Variants in TNRC6C observed in about 807,000 individuals in gnomAD.
TNRC6C encodes trinucleotide repeat containing adaptor 6C.
In TNRC6C, 20 loss-of-function variants were observed where a neutral mutation model predicts 153.7. That is an observed-to-expected ratio of 0.13 (90% CI 0.09 to 0.19). The LOEUF (loss-of-function observed/expected upper bound fraction) is 0.19, where lower values mean the gene tolerates loss of function less well. Ranked by LOEUF, TNRC6C falls within the 10% of genes least tolerant of loss-of-function variation. The pLI, the probability that TNRC6C is intolerant of heterozygous loss-of-function variation, is 1.00. For missense variants in TNRC6C, 1,987 were observed against 2,172.0 expected (o/e 0.91, Z 1.69); for synonymous variants, 811 against 841.4 (o/e 0.96, Z 0.63).
chr17:78,007,878 A>G (rs1015198060), intron 1 of TNRC6C, among the ~76,000 whole-genome samples: 2 of 152,354 alleles, frequency 1.3e-5, no homozygotes, highest in East Asian at 3.9e-4. Flanking sequence ...CCACTCAACT[A>G]GTAGCATTCG....
At chr17:78,011,606 T>C (rs1408159985) in intron 1 of TNRC6C, among the ~76,000 whole-genome samples, 1 of 152,234 alleles carries the variant, frequency 6.6e-6, no homozygotes, top group Non-Finnish European at 1.5e-5. Flanking sequence ...ATCTGCGTTT[T>C]TCCAGTTTTG....
At chr17:78,103,287 T>A (rs1484617191) in intron 18 of TNRC6C, 127 bp from the exon 22 acceptor site, 2 of 1,128,638 alleles carry the variant, frequency 1.8e-6, no homozygotes, top group East Asian at 5.2e-5. Context: ...CCACATATTA[T>A]TAGGCCTTTT....
intron 1 of TNRC6C, among the ~76,000 whole-genome samples, chr17:77,961,376 G>A (rs1360125557): frequency 1.3e-5 from 2 of 152,074 alleles, no homozygotes; most frequent in Admixed American, 6.5e-5. Flanking sequence ...GGCTGGTCTC[G>A]AACTCCTGAC....
intron 1 of TNRC6C, among the ~76,000 whole-genome samples, chr17:77,963,106 C>G (rs2144029757): frequency 6.6e-6 from 1 of 152,268 alleles, no homozygotes; most frequent in East Asian, 1.9e-4. Flanking sequence ...ATACAATAAG[C>G]TTTCTTTAAA....
exon 20 of TNRC6C, chr17:78,108,260 C>CCA (rs1555649081): frequency 6.5e-6 from 1 of 154,456 alleles, no homozygotes. Context: ...GGCCCCCCCC[C>CCA]ACCCATGGGG....
chr17:78,100,552 A>G (rs566242209), intron 17 of TNRC6C, among the ~76,000 whole-genome samples: 1 of 152,070 alleles, frequency 6.6e-6, no homozygotes, highest in African/African-American at 2.4e-5. Flanking sequence ...AAATTCCTAA[A>G]CTGCACACAG....
chr17:78,039,006 A>T (rs1050212740), intron 2 of TNRC6C, among the ~76,000 whole-genome samples: 5 of 152,080 alleles, frequency 3.3e-5, no homozygotes, highest in African/African-American at 1.2e-4. Context: ...GGGTAATATG[A>T]CGTAGTACAT....
At chr17:77,978,807 G>A (rs950545138) in intron 1 of TNRC6C, among the ~76,000 whole-genome samples, 2 of 152,098 alleles carry the variant, frequency 1.3e-5, no homozygotes, top group Non-Finnish European at 2.9e-5. Context: ...TAGGTGTATG[G>A]TGAACCTAAA....
chr17:78,062,446 A>G (rs1020264836), intron 3 of TNRC6C, among the ~76,000 whole-genome samples: 1 of 152,236 alleles, frequency 6.6e-6, no homozygotes, highest in African/African-American at 2.4e-5. Context: ...AGGCCAAACA[A>G]TGTAAAATTG....
At position 78,075,668 on chromosome 17, in the gene TNRC6C, GC is replaced by G. The variant is rs2073071455; in HGVS notation, c.3060+391del. ...AGGAAAAGGGATTGGAAGTGGTGGG[GC>G]TTGGGCACCCATCTCTGGCTGGCCC... On this transcript the variant is annotated intron_variant, in intron 8 of 19. Transcript: ENST00000301624. This position sits in a 1 kb window ranked among gnomAD's most constrained non-coding sequence, Gnocchi z 4.2. Among the ~76,000 whole-genome samples, 1 of 151,424 alleles carries G rather than the reference GC, an allele frequency of 6.6e-6. No individual in the cohort carries two copies. Among genetic ancestry groups the G allele is most frequent in the Admixed American group, 6.6e-5 (1 of 15,250 alleles).
At chr17:77,971,183 C>G (rs1226076917) in intron 1 of TNRC6C, among the ~76,000 whole-genome samples, 1 of 152,186 alleles carries the variant, frequency 6.6e-6, no homozygotes, top group Non-Finnish European at 1.5e-5. Flanking sequence ...CTAAATTAAT[C>G]TATTAGTGGT....
intron 1 of TNRC6C, among the ~76,000 whole-genome samples, chr17:77,967,749 T>G (rs1162169993): frequency 6.6e-6 from 1 of 152,226 alleles, no homozygotes; most frequent in African/African-American, 2.4e-5. Context: ...TGGCTTGTCT[T>G]TCACAGATTT....
intron 11 of TNRC6C, among the ~76,000 whole-genome samples, chr17:78,084,478 A>C: frequency 6.6e-6 from 1 of 152,054 alleles, no homozygotes; most frequent in East Asian, 1.9e-4. Flanking sequence ...TGTAAGCAGC[A>C]GGGGAGGATA....
intron 16 of TNRC6C, 23 bp from the exon 19 acceptor site, chr17:78,097,722 C>G (rs1216102345): frequency 6.6e-7 from 1 of 1,515,544 alleles, no homozygotes; most frequent in Non-Finnish European, 8.9e-7. Flanking sequence ...CCACCTTGCT[C>G]AGTGCCGTGT....
intron 1 of TNRC6C, among the ~76,000 whole-genome samples, chr17:78,017,594 A>C (rs574947235): frequency 8.3e-4 from 126 of 152,218 alleles, no homozygotes; most frequent in Non-Finnish European, 1.5e-3. Flanking sequence ...TTTCTCTCTG[A>C]AACTGGAGGC....
intron 13 of TNRC6C, among the ~76,000 whole-genome samples, chr17:78,088,812 T>C (rs1352905162): frequency 2.0e-5 from 3 of 152,098 alleles, no homozygotes; most frequent in Admixed American, 6.6e-5. Flanking sequence ...GCAAACACTT[T>C]GTAAAATGTC....
chr17:78,104,560 C>A lies in TNRC6C; in HGVS notation c.4788C>A (p.Gly1596=). The A allele has an allele frequency of 6.4e-7, 1 of 1,550,718 alleles. No individual in the cohort carries two copies. The change falls in exon 20 of 20, where the codon GGC becomes GGA. Residue 1596 remains glycine (G), a synonymous_variant. Transcript: ENST00000301624. This position sits in a 1 kb window ranked among gnomAD's most constrained non-coding sequence, Gnocchi z 6.2. Reference sequence around the variant, plus strand: ...AAGTGAATCGCTTCTTAGCCCAAGGCCAGGCGCTGCCACCCACTTCCAGCT... The same window carrying A: ...AAGTGAATCGCTTCTTAGCCCAAGGACAGGCGCTGCCACCCACTTCCAGCT...
In TNRC6C at chr17:78,079,345, G is replaced by C. The variant is rs749200979; in HGVS notation, c.3211-50G>C. 1.3e-6 allele frequency: 2 copies of C among 1,599,498 alleles called. No individual in the cohort carries two copies. The highest frequency in any genetic ancestry group is 1.7e-6 in the Non-Finnish European group (2 of 1,168,472). ...TCATTTCACCCTACCTCCAAACAAT[G>C]TTACTCTAATGCCTGCCTTGGTAAC... On this transcript the variant is annotated intron_variant, in intron 9 of 19. Transcript: ENST00000301624. This position sits in a 1 kb window ranked among gnomAD's most constrained non-coding sequence, Gnocchi z 4.3.
At chr17:78,004,927 A>C, upstream of TNRC6C, 1 of 676,808 alleles carries the variant, frequency 1.5e-6, no homozygotes, top group Non-Finnish European at 2.1e-6. Flanking sequence ...TAATAAATTA[A>C]CTGGGCAAAA....
Sources: gnomAD v4.1 joint callset for allele counts (sites outside exome capture counted in the v4.1 genomes callset) on GRCh38, gnomAD v4.1.1 for gene constraint, Gnocchi (gnomAD v3.1) non-coding constraint, MANE v1.5 for transcripts, NCBI Gene and HGNC (gene_info 2026-07-23, HGNC 2026-07-21) for gene names.